The following DTNA variants were observed in gnomAD, a reference collection of about 807,000 sequenced individuals.
DTNA encodes dystrophin-related protein 3.
Under a neutral mutation model 100.7 loss-of-function variants are expected in DTNA, and 43 were observed. The observed-to-expected ratio is 0.43, with a 90% CI of 0.33 to 0.55. The LOEUF (loss-of-function observed/expected upper bound fraction) is 0.55, where lower values mean the gene tolerates loss of function less well. Ranked by LOEUF, DTNA falls within the 20% of genes least tolerant of loss-of-function variation. The pLI, the probability that DTNA is intolerant of heterozygous loss-of-function variation, is 0.04. For synonymous variants in DTNA, 349 were observed against 347.9 expected (o/e 1.00, Z -0.04); for missense variants, 798 against 953.9 (o/e 0.84, Z 2.15).
chr18:34,656,552 T>G (rs748081415), intron 1 of DTNA, among the ~76,000 whole-genome samples: 1 of 152,184 alleles, frequency 6.6e-6, no homozygotes, highest in African/African-American at 2.4e-5. Context: ...CTTTTTACTT[T>G]CATATTGAAG....
chr18:34,733,827 A>C (rs982762925), intron 1 of DTNA, among the ~76,000 whole-genome samples: 1 of 152,160 alleles, frequency 6.6e-6, no homozygotes, highest in African/African-American at 2.4e-5. Flanking sequence ...GCTCACTCAC[A>C]GTGGGCCTCT....
intron 1 of DTNA, among the ~76,000 whole-genome samples, chr18:34,612,436 A>T (rs1225697101): frequency 6.6e-6 from 1 of 152,162 alleles, no homozygotes; most frequent in Non-Finnish European, 1.5e-5. Context: ...CCTGAGATTA[A>T]GGGGACAGAA....
intron 1 of DTNA, among the ~76,000 whole-genome samples, chr18:34,702,745 C>T (rs1450707004): frequency 6.6e-6 from 1 of 152,142 alleles, no homozygotes; most frequent in Non-Finnish European, 1.5e-5. Flanking sequence ...CCACCTCTGT[C>T]TTCCAGACTA....
intron 1 of DTNA, among the ~76,000 whole-genome samples, chr18:34,558,773 G>A (rs760695132): frequency 8.5e-5 from 13 of 152,122 alleles, no homozygotes; most frequent in Non-Finnish European, 1.6e-4. Flanking sequence ...GAAGCAAAGG[G>A]AAGACTAAGG....
chr18:34,647,673 A>G (rs892358591), intron 1 of DTNA, among the ~76,000 whole-genome samples: 1 of 152,244 alleles, frequency 6.6e-6, no homozygotes, highest in African/African-American at 2.4e-5. Flanking sequence ...AGGAATTATG[A>G]AAAATTTAGC....
intron 1 of DTNA, among the ~76,000 whole-genome samples, chr18:34,668,560 T>G (rs1480604216): frequency 1.3e-5 from 2 of 152,224 alleles, no homozygotes; most frequent in African/African-American, 4.8e-5. Context: ...CTTGTGGGCA[T>G]TTAGTGCTAT....
chr18:34,749,639 CA>C (rs1232445254), intron 1 of DTNA, among the ~76,000 whole-genome samples: 1 of 75,120 alleles, frequency 1.3e-5, no homozygotes, highest in Non-Finnish European at 2.5e-5. Flanking sequence ...CACCTCTCTC[CA>C]AAAAATAATA....
At chr18:34,568,823 T>C (rs187214514) in intron 1 of DTNA, among the ~76,000 whole-genome samples, 62 of 152,154 alleles carry the variant, frequency 4.1e-4, no homozygotes, top group Non-Finnish European at 5.9e-4. Context: ...GGGGTTTCAC[T>C]ATGTTGGCCA....
At chr18:34,577,807 A>C (rs2048251726) in intron 1 of DTNA, among the ~76,000 whole-genome samples, 1 of 148,954 alleles carries the variant, frequency 6.7e-6, no homozygotes, top group African/African-American at 2.6e-5. Context: ...TTGTGTGTAT[A>C]TGTATAATAT....
At chr18:34,844,716 A>G (rs2096343847) in intron 13 of DTNA, among the ~76,000 whole-genome samples, 2 of 152,192 alleles carry the variant, frequency 1.3e-5, no homozygotes, top group African/African-American at 4.8e-5. Flanking sequence ...TATATATGCT[A>G]TATGCTTTGG....
At chr18:34,693,090 C>T (rs922266418) in intron 1 of DTNA, among the ~76,000 whole-genome samples, 4 of 152,062 alleles carry the variant, frequency 2.6e-5, no homozygotes, top group Non-Finnish European at 5.9e-5. Context: ...CAAAAATCAG[C>T]ATCCGTAGAG....
intron 1 of DTNA, among the ~76,000 whole-genome samples, chr18:34,722,303 C>G (rs923717118): frequency 9.2e-5 from 14 of 151,962 alleles, no homozygotes; most frequent in Non-Finnish European, 1.9e-4. Flanking sequence ...TTAATATAGA[C>G]AAACCCTGGA....
chr18:34,724,151 T>G (rs1036996220), intron 1 of DTNA, among the ~76,000 whole-genome samples: 4 of 152,236 alleles, frequency 2.6e-5, no homozygotes, highest in Non-Finnish European at 5.9e-5. Context: ...GAAAGCAATT[T>G]GGCATATCAG....
chr18:34,527,934 T>C (rs1319857375), intron 1 of DTNA, among the ~76,000 whole-genome samples: 1 of 152,146 alleles, frequency 6.6e-6, no homozygotes, highest in Non-Finnish European at 1.5e-5. Context: ...CTATTGTCCA[T>C]TGAAAGTGCT....
chr18:34,514,220 G>T (rs1458539375), intron 1 of DTNA, among the ~76,000 whole-genome samples: 2 of 152,074 alleles, frequency 1.3e-5, no homozygotes, highest in African/African-American at 4.8e-5. Flanking sequence ...GCATGTGTTT[G>T]TGTATGTGTG....
chr18:34,872,738 C>T (rs139715229), intron 17 of DTNA, among the ~76,000 whole-genome samples: 15 of 152,314 alleles, frequency 9.8e-5, no homozygotes, highest in African/African-American at 3.4e-4. Flanking sequence ...GCAGGAAGCC[C>T]TAGGACGCTG....
At chr18:34,873,105 A>G (rs2096781220) in intron 17 of DTNA, among the ~76,000 whole-genome samples, 1 of 152,222 alleles carries the variant, frequency 6.6e-6, no homozygotes. Context: ...CTATTCAAAT[A>G]TAAGATATTA....
At chr18:34,779,597 G>C (rs905380750) in intron 3 of DTNA, among the ~76,000 whole-genome samples, 5 of 152,094 alleles carry the variant, frequency 3.3e-5, no homozygotes, top group Non-Finnish European at 5.9e-5. Context: ...AAAATGTTCA[G>C]CAGTAGCAAG....
intron 1 of DTNA, among the ~76,000 whole-genome samples, chr18:34,595,394 C>A (rs2050390735): frequency 6.7e-6 from 1 of 150,346 alleles, no homozygotes; most frequent in African/African-American, 2.4e-5. Context: ...AAAAAAAACA[C>A]AAAAAAGAAC....
Sources: gnomAD v4.1 joint callset for allele counts (sites outside exome capture counted in the v4.1 genomes callset) on GRCh38, gnomAD v4.1.1 for gene constraint, MANE v1.5 for transcripts, NCBI Gene and HGNC (gene_info 2026-07-23, HGNC 2026-07-21) for gene names.